The following PCDHA6 variants were observed in gnomAD, a reference collection of about 807,000 sequenced individuals.
PCDHA6 encodes protocadherin alpha 6.
In PCDHA6, 55 loss-of-function variants were observed where a neutral mutation model predicts 60.3. That is an observed-to-expected ratio of 0.91 (90% confidence interval 0.73 to 1.14). PCDHA6 has a LOEUF of 1.14. Among genes scored for constraint, PCDHA6 ranks in the 50% most tolerant of loss-of-function variants. The pLI is 0.00. For synonymous variants in PCDHA6, 652 were observed against 557.9 expected (o/e 1.17, Z -2.38); for missense variants, 1,327 against 1,256.5 (o/e 1.06, Z -0.85).
At chr5:140,843,896 T>C in intron 1 of PCDHA6, 2 of 663,756 alleles carry the variant, frequency 3.0e-6, no homozygotes, top group East Asian at 5.6e-5. Context: ...TATTAATCAT[T>C]CTCCACAAGT....
At chr5:140,891,431 A>G (rs912407002) in intron 1 of PCDHA6, among the ~76,000 whole-genome samples, 1 of 143,446 alleles carries the variant, frequency 7.0e-6, no homozygotes, top group Non-Finnish European at 1.5e-5. Context: ...CAAGTCCCCA[A>G]CGTCCATTGT....
In PCDHA6 at chr5:140,904,730, A is replaced by AT. The variant is rs538757271; in HGVS notation, c.2395-74212dup. 7.6e-4 allele frequency among the ~76,000 whole-genome samples: 116 copies of AT among 152,104 alleles called. 1 individual carries two copies. The highest frequency in any genetic ancestry group is 6.8e-3 in the Middle Eastern group (2 of 294). On this transcript the variant is annotated intron_variant, in intron 1 of 3. Transcript: ENST00000529310. ...CACCACATTCTGGCCAACATCTATT[A>AT]TTTTTTTATTATGACCATTTTTGCA...
intron 1 of PCDHA6, chr5:140,878,069 T>C: frequency 5.3e-6 from 2 of 379,294 alleles, no homozygotes; most frequent in East Asian, 5.0e-5. Flanking sequence ...ATATTTTTCT[T>C]TTTCTATAAT....
chr5:140,881,230 G>A (rs1467821983), intron 1 of PCDHA6: 2 of 301,850 alleles, frequency 6.6e-6, no homozygotes, highest in Non-Finnish European at 9.8e-6. Flanking sequence ...GAAAATTAAA[G>A]TCAATTTAAA....
chr5:140,987,858 T>C (rs1203158352), intron 3 of PCDHA6, among the ~76,000 whole-genome samples: 1 of 152,142 alleles, frequency 6.6e-6, no homozygotes, highest in African/African-American at 2.4e-5. Context: ...CCACATCTCT[T>C]TACTCTGTGG....
At position 141,007,395 on chromosome 5, in the gene PCDHA6, CAAAA is replaced by C. The variant is rs35800918; in HGVS notation, c.2543-2212_2543-2209del. Among the ~76,000 whole-genome samples the C allele has an allele frequency of 1.2e-3, 116 of 94,838 alleles. No homozygotes were observed. In the Middle Eastern group the frequency reaches 0.016, roughly 13 times the overall value. 62.2% of individuals were successfully genotyped at this position (94,838 alleles called of 152,430 possible). ...ATGGAACACCATCTCTACTAAAATA[CAAAA>C]AAAAAAAAAAAAAAAAAAATTAGCC... is the stretch of plus-strand genomic sequence containing the variant. On this transcript the variant is annotated intron_variant, in intron 3 of 3. Coordinates refer to ENST00000529310, the MANE Select transcript of PCDHA6 (RefSeq NM_018909.4).
At chr5:140,883,526 G>A (rs1554178547) in intron 1 of PCDHA6, 2 of 1,614,226 alleles carry the variant, frequency 1.2e-6, no homozygotes, top group East Asian at 2.2e-5. Flanking sequence ...GAGCGTATCA[G>A]CCTATGAACT....
chr5:140,883,175 A>G lies in PCDHA6; in HGVS notation c.2394+52690A>G, dbSNP rs1554177014. ...CATAAATCCGAACAATGGAGAAATTAGGACAAAAGGCAAACTAGATTTCGA... is the reference window on the plus strand; with the variant it reads ...CATAAATCCGAACAATGGAGAAATTGGGACAAAAGGCAAACTAGATTTCGA... On this transcript the variant is annotated intron_variant, in intron 1 of 3. Coordinates refer to ENST00000529310, the MANE Select transcript of PCDHA6 (RefSeq NM_018909.4). 3 of 1,614,060 alleles carry G rather than the reference A, an allele frequency of 1.9e-6. No individual in the cohort carries two copies. Among genetic ancestry groups the G allele is most frequent in the East Asian group, 4.5e-5 (2 of 44,892 alleles).
At chr5:140,989,810 AT>A (rs2097361628) in intron 3 of PCDHA6, among the ~76,000 whole-genome samples, 1 of 152,192 alleles carries the variant, frequency 6.6e-6, no homozygotes, top group Non-Finnish European at 1.5e-5. Context: ...GGGCCATAAG[AT>A]TGGTCACTGC....
chr5:140,917,874 C>T (rs1240832097), intron 1 of PCDHA6, among the ~76,000 whole-genome samples: 2 of 151,008 alleles, frequency 1.3e-5, no homozygotes, highest in African/African-American at 4.9e-5. Context: ...ACTATTTGGG[C>T]TCTTTTTTTT....
At chr5:140,982,273 A>G (rs1554243953) in intron 2 of PCDHA6, 2 of 943,086 alleles carry the variant, frequency 2.1e-6, no homozygotes, top group Non-Finnish European at 3.0e-6. Context: ...CTGGAATAGT[A>G]TAGCAGGCAA....
chr5:140,913,284 G>A (rs1201275371), intron 1 of PCDHA6, among the ~76,000 whole-genome samples: 1 of 152,026 alleles, frequency 6.6e-6, no homozygotes, highest in Non-Finnish European at 1.5e-5. Context: ...GTCTGTTTAG[G>A]TTTTAATTTC....
At chr5:140,856,473 C>T (rs1471191080) in intron 1 of PCDHA6, 2 of 1,598,372 alleles carry the variant, frequency 1.3e-6, no homozygotes. Flanking sequence ...CTCTCAATAC[C>T]TGAATCCAGA....
Position 140,829,221 on chromosome 5 carries a change from T to C in PCDHA6, c.1130T>C (p.Leu377Pro), listed in dbSNP as rs1206771984. 1.9e-6 allele frequency: 3 copies of C among 1,614,108 alleles called. No homozygotes were observed. Among genetic ancestry groups the C allele is most frequent in the Non-Finnish European group, 2.5e-6 (3 of 1,180,048 alleles). Residue 377 changes from leucine (L) to proline (P), a missense_variant, in exon 1 of 4, where the codon CTC becomes CCC. By Grantham distance (98) the Leu-to-Pro change is moderately conservative. Coordinates refer to ENST00000529310, the MANE Select transcript of PCDHA6 (RefSeq NM_018909.4). ...ATCGCCCTAATTAGCGTGAACGACC[T>C]CGATTCAGGTGCCAACGGGCAGGTG... The part of the protein sequence containing the change: ...TVIALISVND[L>P]DSGANGQVNC...
chr5:140,835,640 C>T (rs2150240382), intron 1 of PCDHA6: 4 of 1,613,770 alleles, frequency 2.5e-6, no homozygotes, highest in Admixed American at 3.3e-5. Flanking sequence ...AGAGTGTGTC[C>T]GCCTATGAGC....
Position 140,857,049 on chromosome 5 carries a change from C to T in PCDHA6, c.2394+26564C>T, listed in dbSNP as rs1390810771. On this transcript the variant is annotated intron_variant, in intron 1 of 3. Coordinates refer to ENST00000529310, the MANE Select transcript of PCDHA6 (RefSeq NM_018909.4). ...AACCCACCTATGGTTGGTCACTGCA[C>T]GGTCCTAGTGGAACTACTGGATGAA... 3.1e-6 allele frequency: 5 copies of T among 1,595,184 alleles called. No homozygotes were observed. In the African/African-American group the frequency reaches 5.4e-5, roughly 17 times the overall value.
chr5:140,926,054 T>C (rs1018660828), intron 1 of PCDHA6, among the ~76,000 whole-genome samples: 1 of 152,182 alleles, frequency 6.6e-6, no homozygotes, highest in Non-Finnish European at 1.5e-5. Flanking sequence ...CCCAACCTTC[T>C]TCCCCTCCTT....
intron 1 of PCDHA6, chr5:140,871,045 G>C: frequency 6.2e-7 from 1 of 1,613,386 alleles, no homozygotes; most frequent in African/African-American, 1.3e-5. Context: ...CCGACTTCTA[G>C]TACTGGTGAA....
chr5:141,006,404 G>A (rs1001810745), intron 3 of PCDHA6, among the ~76,000 whole-genome samples: 2 of 151,938 alleles, frequency 1.3e-5, no homozygotes, highest in East Asian at 1.9e-4. Flanking sequence ...TAGTAGAGAC[G>A]CGGTTTCACT....
Sources: allele counts gnomAD v4.1 joint callset (sites outside exome capture counted in the v4.1 genomes callset), GRCh38; gene constraint gnomAD v4.1.1; transcripts MANE v1.5; gene names NCBI Gene and HGNC (gene_info 2026-07-23, HGNC 2026-07-21).